The following GALC variants were observed in gnomAD, a reference collection of about 807,000 sequenced individuals.
The protein encoded by GALC is galactocerebrosidase.
Under a neutral mutation model 91.8 loss-of-function variants are expected in GALC, and 77 were observed. The ratio of observed to expected loss-of-function variants is 0.84; its 90% CI spans 0.70 to 1.01. The LOEUF (loss-of-function observed/expected upper bound fraction) is 1.01. GALC is among the 50% of genes least tolerant of loss of function. The pLI is 0.00. For missense variants in GALC, 882 were observed against 855.9 expected (o/e 1.03, Z -0.38); for synonymous variants, 357 against 306.7 (o/e 1.16, Z -1.71).
intron 6 of GALC, 40 bp from the exon 7 acceptor site, chr14:87,976,528 T>C (rs374484707): frequency 1.7e-5 from 27 of 1,549,358 alleles, no homozygotes; most frequent in Non-Finnish European, 2.0e-5. Flanking sequence ...AGGATACAAA[T>C]GAATTTTTAG....
At position 87,965,819 on chromosome 14, in the gene GALC, A is replaced by G. The variant is rs191692952; in HGVS notation, c.909-190T>C. ...CATTTTGAAAAATCCAGTGTGGGGT[A>G]CATTGTAATATTTTTAATGGTGAAT... On this transcript the variant is annotated intron_variant, in intron 8 of 16. Transcript: ENST00000261304. Among the ~76,000 whole-genome samples the G allele has an allele frequency of 1.6e-3, 242 of 152,306 alleles. 2 individuals are homozygous for G. The highest frequency in any genetic ancestry group is 5.5e-3 in the African/African-American group (228 of 41,588).
intron 14 of GALC, among the ~76,000 whole-genome samples, chr14:87,943,384 G>C (rs1884935769): frequency 6.6e-6 from 1 of 152,014 alleles, no homozygotes; most frequent in South Asian, 2.1e-4. Flanking sequence ...AGGTATAAGA[G>C]AGGAAGTTCT....
At chr14:87,952,824 CTGAG>C (rs1438431601) in intron 10 of GALC, 11 of 1,387,818 alleles carry the variant, frequency 7.9e-6, no homozygotes, top group South Asian at 1.2e-5. Flanking sequence ...CTCCTCTAGA[CTGAG>C]TGAGGTAACG....
In GALC at chr14:87,986,505, G is replaced by T. The variant is rs754765375; in HGVS notation, c.426C>A (p.Pro142=). ...ATTTCTTACCAATGAGTGTAATATT[G>T]GGATTCCTCTTCTTAGCTTCTTTCA... is the stretch of plus-strand genomic sequence containing the variant. ...WLMKEAKKRN[P]NITLIGLPWS... The change falls in exon 4 of 17, where the codon CCC becomes CCA. Residue 142 remains proline (P), a synonymous_variant. Transcript: ENST00000261304. 1.3e-6 allele frequency: 2 copies of T among 1,597,288 alleles called. No individual in the cohort carries two copies. Among genetic ancestry groups the T allele is most frequent in the Non-Finnish European group, 8.6e-7 (1 of 1,164,874 alleles).
chr14:87,934,887 G>A lies in GALC; in HGVS notation c.1912-9C>T, dbSNP rs748686038. 3.8e-6 allele frequency: 6 copies of A among 1,585,960 alleles called. No homozygotes were observed. The highest frequency in any genetic ancestry group is 5.2e-6 in the Non-Finnish European group (6 of 1,154,708). On this transcript the variant is annotated splice_polypyrimidine_tract_variant and intron_variant, in intron 16 of 16. Transcript: ENST00000261304. Reference sequence around the variant, plus strand: ...CCAGAGGTGAAATGACCCTAGAGTAGAAAGAAACACATTCCTTGAAACCAT... The same window carrying A: ...CCAGAGGTGAAATGACCCTAGAGTAAAAAGAAACACATTCCTTGAAACCAT...
In GALC at chr14:87,984,535, T is replaced by C. The variant is rs1595236714; in HGVS notation, c.443-2A>G. 6.2e-7 allele frequency: 1 copy of C among 1,614,110 alleles called. No homozygotes were observed. Reference sequence around the variant, plus strand: ...ATCCAGGGAATGACCATGGCAACCCTGCAGAGAGAAGGGAGGAGGCAAAGG... The same window carrying C: ...ATCCAGGGAATGACCATGGCAACCCCGCAGAGAGAAGGGAGGAGGCAAAGG... On this transcript the variant is annotated splice_acceptor_variant, in intron 4 of 16. Coordinates refer to ENST00000261304, the MANE Select transcript of GALC (RefSeq NM_000153.4). LOFTEE classifies it high-confidence loss of function.
chr14:87,981,072 T>C (rs907494507), intron 6 of GALC: 11 of 152,192 alleles, frequency 7.2e-5, no homozygotes, highest in African/African-American at 2.7e-4. Flanking sequence ...CATCAATCAG[T>C]ACGAGTGGAT....
intron 5 of GALC, among the ~76,000 whole-genome samples, chr14:87,983,675 G>A (rs1886843279): frequency 6.6e-6 from 1 of 152,222 alleles, no homozygotes; most frequent in Non-Finnish European, 1.5e-5. Context: ...CCCACTATGT[G>A]TGTGTTAAGG....
At position 87,955,138 on chromosome 14, in the gene GALC, CAAG is replaced by C. The variant is rs533400609; in HGVS notation, c.1162-4393_1162-4391del. On this transcript the variant is annotated intron_variant, in intron 10 of 16. Coordinates refer to ENST00000261304, the MANE Select transcript of GALC (RefSeq NM_000153.4). ...AGATGAAAGCAGCTATCCATTACAA[CAAG>C]ATTTCTCCCTCCTGGATTTTTATCC... The C allele has an allele frequency of 2.6e-5, 35 of 1,334,170 alleles. No homozygotes were observed. In the East Asian group the frequency reaches 7.3e-4, roughly 28 times the overall value. The allele number at this position is 1,334,170 out of a possible 1,614,324, so 82.6% of individuals were successfully genotyped here.
At chr14:87,942,093 C>T (rs1884883779) in intron 14 of GALC, among the ~76,000 whole-genome samples, 1 of 151,868 alleles carries the variant, frequency 6.6e-6, no homozygotes, top group Non-Finnish European at 1.5e-5. Context: ...CTGCAAAGAC[C>T]ACAGAGTTGA....
rs374105066 is a variant in GALC at position 87,949,886 on chromosome 14, T to C, written c.1297A>G (p.Thr433Ala). Residue 433 changes from threonine (T) to alanine (A), a missense_variant, in exon 12 of 17, where the codon ACA becomes GCA. Physicochemically the swap from Thr to Ala is moderately conservative, Grantham distance 58. Transcript: ENST00000261304. ...LQVWYTKLGK[T>A]SERFLFKQLD... ...TGCTTAAAAAGAAATCTTTCGGATG[T>C]TTTTCCAAGTTTGGTATACCATACC... 4 of 1,599,512 alleles carry C rather than the reference T, an allele frequency of 2.5e-6. No homozygotes were observed. The South Asian group carries it at 4.4e-5, about 18-fold the overall frequency.
chr14:87,959,705 A>G (rs948481945), intron 10 of GALC: 3 of 145,620 alleles, frequency 2.1e-5, no homozygotes, highest in Non-Finnish European at 4.5e-5. Context: ...GGAAGTGCAG[A>G]GTAAGATTCT....
At chr14:87,984,898 T>C (rs1203405054) in intron 4 of GALC, among the ~76,000 whole-genome samples, 1 of 152,032 alleles carries the variant, frequency 6.6e-6, no homozygotes, top group African/African-American at 2.4e-5. Context: ...CTTCTGTTCT[T>C]TGAGGTCAAA....
At chr14:87,969,238 G>A (rs1453287520) in intron 7 of GALC, among the ~76,000 whole-genome samples, 1 of 152,108 alleles carries the variant, frequency 6.6e-6, no homozygotes, top group East Asian at 1.9e-4. Context: ...CTAGCATCTA[G>A]AGAAGAGAGG....
chr14:87,974,720 T>C (rs1031639707), intron 7 of GALC, among the ~76,000 whole-genome samples: 1 of 149,912 alleles, frequency 6.7e-6, no homozygotes, highest in Non-Finnish European at 1.5e-5. Flanking sequence ...TTTTTTCAGA[T>C]TTTTTTTTAA....
chr14:87,954,067 T>G, intron 10 of GALC: 1 of 1,609,868 alleles, frequency 6.2e-7, no homozygotes, highest in Non-Finnish European at 8.5e-7. Flanking sequence ...CAATCAACAT[T>G]TAGCAGTCAG....
chr14:87,946,907 G>A (rs898544136), intron 13 of GALC, among the ~76,000 whole-genome samples: 16 of 151,830 alleles, frequency 1.1e-4, no homozygotes, highest in African/African-American at 3.9e-4. Flanking sequence ...CCTGAGAAAG[G>A]GAGGCGAGAC....
intron 5 of GALC, 97 bp from the exon 6 acceptor site, chr14:87,982,340 A>G: frequency 1.2e-6 from 1 of 811,356 alleles, no homozygotes; most frequent in Non-Finnish European, 2.2e-6. Context: ...CATCTTTCAT[A>G]TTATCTGATA....
At chr14:87,960,310 T>C (rs1184622719) in intron 10 of GALC, among the ~76,000 whole-genome samples, 1 of 152,138 alleles carries the variant, frequency 6.6e-6, no homozygotes, top group African/African-American at 2.4e-5. Flanking sequence ...AAAGTAACTA[T>C]TGGACAGGAG....
Sources: allele counts gnomAD v4.1 joint callset (sites outside exome capture counted in the v4.1 genomes callset), GRCh38; gene constraint gnomAD v4.1.1; transcripts MANE v1.5; gene names NCBI Gene and HGNC (gene_info 2026-07-23, HGNC 2026-07-21).